RBFOX3: variants seen among roughly 807,000 people sequenced by gnomAD.
The protein encoded by RBFOX3 is RNA binding protein fox-1 homolog 3.
Under a neutral mutation model 48.7 loss-of-function variants are expected in RBFOX3, and 17 were observed. The ratio of observed to expected loss-of-function variants is 0.35; its 90% CI spans 0.24 to 0.52. RBFOX3 has a LOEUF of 0.52. Among genes scored for constraint, RBFOX3 ranks in the 20% least tolerant of loss-of-function variants. The probability of loss-of-function intolerance (pLI) is 0.94; values close to 1 mark genes in which losing one functional copy is unlikely to be tolerated. For missense variants in RBFOX3, 382 were observed against 497.5 expected, an observed-to-expected ratio of 0.77 and a Z score of 2.21; for synonymous variants, 212 against 209.5, an observed-to-expected ratio of 1.01 and a Z score of -0.10.
intron 1 of RBFOX3, among the ~76,000 whole-genome samples, chr17:79,543,576 C>T (rs146107986): frequency 3.3e-5 from 5 of 152,190 alleles, no homozygotes; most frequent in East Asian, 1.9e-4. Context: ...CACACTCCCC[C>T]CTTCATCAGC....
chr17:79,643,954 G>C, the RBFOX3 span, among the ~76,000 whole-genome samples: 1 of 151,784 alleles, frequency 6.6e-6, no homozygotes, highest in African/African-American at 2.4e-5. Flanking sequence ...CAGACAAAAA[G>C]AAAATTAACA....
chr17:79,325,486 C>T (rs1169982222), intron 2 of RBFOX3, among the ~76,000 whole-genome samples: 6 of 152,150 alleles, frequency 3.9e-5, no homozygotes, highest in African/African-American at 9.7e-5. Context: ...CCCAACCAAA[C>T]GGCCCCATTG....
chr17:79,232,627 G>A (rs1410404547), intron 4 of RBFOX3, among the ~76,000 whole-genome samples: 3 of 152,148 alleles, frequency 2.0e-5, no homozygotes, highest in African/African-American at 7.2e-5. Context: ...ATGCACAAAA[G>A]CTAATTTGAG....
At chr17:79,434,887 T>A (rs571605785) in intron 2 of RBFOX3, among the ~76,000 whole-genome samples, 6 of 152,220 alleles carry the variant, frequency 3.9e-5, no homozygotes, top group African/African-American at 1.4e-4. Flanking sequence ...CCCTGAAGAA[T>A]GGGGTGACAG....
chr17:79,566,236 A>G (rs2092448781), intron 1 of RBFOX3, among the ~76,000 whole-genome samples: 1 of 152,194 alleles, frequency 6.6e-6, no homozygotes, highest in African/African-American at 2.4e-5. Flanking sequence ...TCAACCAATT[A>G]CGAATGATGA....
intron 2 of RBFOX3, among the ~76,000 whole-genome samples, chr17:79,347,122 T>C (rs1476813375): frequency 6.6e-6 from 1 of 152,244 alleles, no homozygotes; most frequent in Admixed American, 6.5e-5. Context: ...TGGCTGCATG[T>C]AAAAGTCTAT....
At chr17:79,177,688 C>T (rs72856452) in intron 4 of RBFOX3, among the ~76,000 whole-genome samples, 17,647 of 152,208 alleles carry the variant, frequency 0.12, 1,148 homozygotes, top group Non-Finnish European at 0.15. Flanking sequence ...CAGGTGGACC[C>T]GCTTCCTAGA....
rs1480728874 is a variant in RBFOX3 at position 79,477,431 on chromosome 17, C to T, written c.-175+5023G>A. 7.2e-5 allele frequency among the ~76,000 whole-genome samples: 11 copies of T among 152,010 alleles called. No homozygotes were observed. The East Asian group carries it at 2.1e-3, about 30-fold the overall frequency. On this transcript the variant is annotated intron_variant, in intron 2 of 14. Coordinates refer to ENST00000693108, the MANE Select transcript of RBFOX3 (RefSeq NM_001350451.2). The surrounding 1 kb of genome is among the most constrained non-coding windows in gnomAD (Gnocchi z 4.8). ...ATTAGCCAGACGTGGTGGCGGGCGC[C>T]TGTAGTCCCAGCTACTTGGGAGGCT...
intron 5 of RBFOX3, among the ~76,000 whole-genome samples, chr17:79,107,471 C>T (rs1006057845): frequency 3.6e-4 from 55 of 152,236 alleles, no homozygotes; most frequent in African/African-American, 1.1e-3. Flanking sequence ...ACCTGGCCCC[C>T]AGCTCGCTGT....
chr17:79,238,935 G>A lies in RBFOX3; in HGVS notation c.-73-3130C>T, dbSNP rs987902828. Among the ~76,000 whole-genome samples, 9 of 152,190 alleles carry A rather than the reference G, an allele frequency of 5.9e-5. No individual in the cohort carries two copies. The South Asian group carries it at 1.9e-3, about 32-fold the overall frequency. ...ACCACAGGGTCCAATCTGTTTTCCTGGTTCTTCGGGCCAGGAGCTCCCCGA... is the reference window on the plus strand; with the variant it reads ...ACCACAGGGTCCAATCTGTTTTCCTAGTTCTTCGGGCCAGGAGCTCCCCGA... On this transcript the variant is annotated intron_variant, in intron 3 of 14. Coordinates refer to ENST00000693108, the MANE Select transcript of RBFOX3 (RefSeq NM_001350451.2).
At chr17:79,133,190 G>A (rs758867887) in intron 4 of RBFOX3, among the ~76,000 whole-genome samples, 2 of 152,160 alleles carry the variant, frequency 1.3e-5, no homozygotes, top group African/African-American at 2.4e-5. Flanking sequence ...CTGAGATCCC[G>A]GTAAGTTACC....
Position 79,284,009 on chromosome 17 carries a change from G to A in RBFOX3, c.-74+23715C>T, listed in dbSNP as rs909649825. ...TGTTTCAGTACTTATAAATGGAGAT[G>A]CCTTCTCCAGGACCATTGTAACATT... On this transcript the variant is annotated intron_variant, in intron 3 of 14. Coordinates refer to ENST00000693108, the MANE Select transcript of RBFOX3 (RefSeq NM_001350451.2). 2.5e-4 allele frequency among the ~76,000 whole-genome samples: 31 copies of A among 123,580 alleles called. 1 individual carries two copies. Among genetic ancestry groups the A allele is most frequent in the African/African-American group, 7.5e-4 (24 of 31,908 alleles). The allele number at this position is 123,580 out of a possible 152,430, so 81.1% of individuals were successfully genotyped here. A position where few individuals can be genotyped will look rare whatever the true frequency, so the allele number is the denominator to read the frequency against.
At chr17:79,384,240 C>T (rs60566316) in intron 2 of RBFOX3, among the ~76,000 whole-genome samples, 7 of 152,084 alleles carry the variant, frequency 4.6e-5, no homozygotes, top group African/African-American at 1.2e-4. Flanking sequence ...GTAAGGGGAG[C>T]GAGGAAGGTA....
At chr17:79,208,027 C>T (rs781192498) in intron 4 of RBFOX3, among the ~76,000 whole-genome samples, 2 of 152,168 alleles carry the variant, frequency 1.3e-5, no homozygotes, top group Non-Finnish European at 2.9e-5. Flanking sequence ...CTTCTCTGGC[C>T]AGCTCTTGGT....
At chr17:79,106,956 T>C (rs1033163070) in intron 5 of RBFOX3, among the ~76,000 whole-genome samples, 168 bp from the exon 6 acceptor site, 1 of 152,036 alleles carries the variant, frequency 6.6e-6, no homozygotes, top group African/African-American at 2.4e-5. Context: ...ACGGTTCCCA[T>C]GAGATACAGC....
At chr17:79,327,388 G>A (rs184209777) in intron 2 of RBFOX3, among the ~76,000 whole-genome samples, 151 of 152,266 alleles carry the variant, frequency 9.9e-4, no homozygotes, top group Non-Finnish European at 1.8e-3. Flanking sequence ...TGGACATCAG[G>A]AAATTCACCC....
chr17:79,464,165 G>A (rs782605484), intron 2 of RBFOX3, among the ~76,000 whole-genome samples: 6 of 152,238 alleles, frequency 3.9e-5, no homozygotes, highest in Non-Finnish European at 5.9e-5. Flanking sequence ...CCAGCTCCTC[G>A]TGCTCTGTGG....
At chr17:79,440,991 C>T (rs1381836946) in intron 2 of RBFOX3, among the ~76,000 whole-genome samples, 1 of 152,250 alleles carries the variant, frequency 6.6e-6, no homozygotes, top group Admixed American at 6.5e-5. Flanking sequence ...AAATGTCCCG[C>T]CAGAGCTGGC....
rs1355929954 is a variant in RBFOX3 at position 79,535,951 on chromosome 17, C to T, written c.-319-53353G>A. On this transcript the variant is annotated intron_variant, in intron 1 of 14. Transcript: ENST00000693108. This position sits in a 1 kb window ranked among gnomAD's most constrained non-coding sequence, Gnocchi z 4.5. ...TAGCGGCAGGGTCATCTCCACAGGC[C>T]CCTCCCTCCCTCCACAGCTTCCTAA... 6.6e-6 allele frequency among the ~76,000 whole-genome samples: 1 copy of T among 152,170 alleles called. No individual in the cohort carries two copies. The highest frequency in any genetic ancestry group is 1.9e-4 in the East Asian group (1 of 5,194).
Sources: gnomAD v4.1 joint callset for allele counts (sites outside exome capture counted in the v4.1 genomes callset) on GRCh38, gnomAD v4.1.1 for gene constraint, Gnocchi (gnomAD v3.1) non-coding constraint, MANE v1.5 for transcripts, NCBI Gene and HGNC (gene_info 2026-07-23, HGNC 2026-07-21) for gene names.